BLTP1: variants seen among roughly 807,000 people sequenced by gnomAD.
The protein encoded by BLTP1 is fragile site-associated protein.
chr4:122,160,505 G>A, the BLTP1 span, among the ~76,000 whole-genome samples: 1 of 152,060 alleles, frequency 6.6e-6, no homozygotes, highest in Admixed American at 6.5e-5. Flanking sequence ...TTTAAGTGAG[G>A]TATTCAATTG....
the BLTP1 span, chr4:122,348,532 G>C: frequency 6.5e-7 from 1 of 1,527,500 alleles, no homozygotes. Context: ...TGGCATTTAT[G>C]TGAATGAACA....
At chr4:122,178,160 T>C in the BLTP1 span, 2 of 849,750 alleles carry the variant, frequency 2.4e-6, no homozygotes, top group Non-Finnish European at 2.8e-6. Context: ...AAATATGATA[T>C]GTTTCTATTC....
chr4:122,199,499 G>T, the BLTP1 span: 1 of 1,457,882 alleles, frequency 6.9e-7, no homozygotes, highest in South Asian at 1.2e-5. Flanking sequence ...AAAAACAATT[G>T]ATTTTAATTT....
the BLTP1 span, chr4:122,306,062 CACT>C: frequency 5.7e-6 from 9 of 1,582,170 alleles, no homozygotes; most frequent in Middle Eastern, 1.7e-4. Context: ...TAAAGTCAAT[CACT>C]ACTATCCTCT....
At chr4:122,337,250 A>C in the BLTP1 span, 4 of 500,330 alleles carry the variant, frequency 8.0e-6, no homozygotes, top group Non-Finnish European at 1.0e-5. Context: ...ACCCATCACA[A>C]ACTGAATAGC....
the BLTP1 span, chr4:122,353,119 G>A: frequency 6.2e-7 from 1 of 1,613,756 alleles, no homozygotes; most frequent in South Asian, 1.1e-5. This position sits in a 1 kb window ranked among gnomAD's most constrained non-coding sequence, Gnocchi z 4.3. Flanking sequence ...ACCAAATATT[G>A]CTTTTTGGAC....
At chr4:122,295,804 C>A in the BLTP1 span, among the ~76,000 whole-genome samples, 2 of 152,152 alleles carry the variant, frequency 1.3e-5, no homozygotes, top group Non-Finnish European at 2.9e-5. Context: ...AAATGCAACT[C>A]ATCACAGAAA....
At chr4:122,224,701 C>G in the BLTP1 span, 1 of 1,613,892 alleles carries the variant, frequency 6.2e-7, no homozygotes, top group Admixed American at 1.7e-5. Flanking sequence ...AGTACTATCT[C>G]CTGACTTATT....
chr4:122,324,599 C>T, the BLTP1 span: 1 of 1,330,796 alleles, frequency 7.5e-7, no homozygotes, highest in South Asian at 1.5e-5. Flanking sequence ...CCAAGGTCAA[C>T]TACTTTTTTA....
chr4:122,276,372 GTT>G, the BLTP1 span: 4 of 834,866 alleles, frequency 4.8e-6, no homozygotes, highest in African/African-American at 5.5e-5. Flanking sequence ...GCAAGAAAGA[GTT>G]TTCACTAATT....
the BLTP1 span, chr4:122,334,604 A>G: frequency 6.5e-7 from 1 of 1,538,086 alleles, no homozygotes; most frequent in Non-Finnish European, 8.9e-7. Flanking sequence ...GTTATTACCT[A>G]CTTGCTCTTT....
chr4:122,301,081 GTT>G, the BLTP1 span: 13 of 863,032 alleles, frequency 1.5e-5, no homozygotes, highest in South Asian at 5.9e-4. Flanking sequence ...TATATACAGT[GTT>G]TTAATTGAAT....
At chr4:122,154,934 A>G in the BLTP1 span, 1 of 952,350 alleles carries the variant, frequency 1.1e-6, no homozygotes, top group Non-Finnish European at 1.3e-6. Context: ...TTCATAGAAT[A>G]TTGTGTATGG....
chr4:122,245,041 T>G, the BLTP1 span: 1 of 1,610,290 alleles, frequency 6.2e-7, no homozygotes, highest in South Asian at 1.1e-5. Context: ...CAATGGTTCA[T>G]TGTGCTAGTA....
the BLTP1 span, chr4:122,223,205 T>TA: frequency 1.1e-6 from 1 of 940,936 alleles, no homozygotes; most frequent in Non-Finnish European, 1.3e-6. Flanking sequence ...TGAATTTTTT[T>TA]AAAAAAAGTT....
chr4:122,342,473 A>C, the BLTP1 span, among the ~76,000 whole-genome samples: 1 of 152,008 alleles, frequency 6.6e-6, no homozygotes, highest in Admixed American at 6.6e-5. Flanking sequence ...CTCCTGCCTC[A>C]GCCTCCTGAG....
the BLTP1 span, chr4:122,219,169 G>A: frequency 1.0e-6 from 1 of 983,312 alleles, no homozygotes; most frequent in Non-Finnish European, 1.2e-6. Flanking sequence ...AAGCAGCTAT[G>A]TGTAAGTCTT....
At chr4:122,187,484 T>C in the BLTP1 span, 28 of 1,612,260 alleles carry the variant, frequency 1.7e-5, no homozygotes, top group Non-Finnish European at 2.3e-5. Context: ...AGATCACTTA[T>C]TCCAGTCATA....
chr4:122,192,105 C>G, the BLTP1 span: 1 of 913,612 alleles, frequency 1.1e-6, no homozygotes. Context: ...CTTTTAGGTT[C>G]TCAATAATTT....
Sources: allele counts gnomAD v4.1 joint callset (sites outside exome capture counted in the v4.1 genomes callset), GRCh38; gene constraint gnomAD v4.1.1; non-coding constraint Gnocchi (gnomAD v3.1); transcripts MANE v1.5; gene names NCBI Gene and HGNC (gene_info 2026-07-23, HGNC 2026-07-21).